The following FILIP1L variants were observed in gnomAD, a reference collection of about 807,000 sequenced individuals.
The protein encoded by FILIP1L is filamin A-interacting protein 1-like.
In FILIP1L, 55 loss-of-function variants were observed where a neutral mutation model predicts 96.6. That is an observed-to-expected ratio of 0.57 (90% CI 0.46 to 0.71). The LOEUF (loss-of-function observed/expected upper bound fraction) is 0.71. Ranked by LOEUF, FILIP1L falls within the 30% of genes least tolerant of loss-of-function variation. The probability of loss-of-function intolerance (pLI) is 0.00; values close to 1 mark genes in which losing one functional copy is unlikely to be tolerated. For missense variants in FILIP1L, 1,304 were observed against 1,321.2 expected, an observed-to-expected ratio of 0.99 and a Z score of 0.20; for synonymous variants, 467 against 473.9, an observed-to-expected ratio of 0.99 and a Z score of 0.19.
chr3:99,935,330 G>A (rs1054732323), intron 1 of FILIP1L, among the ~76,000 whole-genome samples: 11 of 151,390 alleles, frequency 7.3e-5, no homozygotes, highest in African/African-American at 2.7e-4. Flanking sequence ...TCTTCATGAA[G>A]TGCTGACCTA....
At position 99,996,957 on chromosome 3, in the gene FILIP1L, T is replaced by G. The variant is rs146582807; in HGVS notation, c.-10-65927A>C. Among the ~76,000 whole-genome samples the G allele has an allele frequency of 7.8e-4, 119 of 152,138 alleles. 1 individual carries two copies. In the East Asian group the frequency reaches 0.02, roughly 25 times the overall value. ...AAAATTTTTTCGAAACAAATGAAAA[T>G]GAAAACACAACATGCCTTAACCTAT... On this transcript the variant is annotated intron_variant, in intron 1 of 5. Transcript: ENST00000477258.
chr3:100,056,735 C>T (rs984855261), intron 1 of FILIP1L, among the ~76,000 whole-genome samples: 6 of 151,154 alleles, frequency 4.0e-5, no homozygotes, highest in African/African-American at 1.5e-4. Flanking sequence ...CGCGGTGGCT[C>T]ACGCCTGTAA....
At chr3:99,971,048 A>G (rs1183074965) in intron 1 of FILIP1L, among the ~76,000 whole-genome samples, 1 of 152,088 alleles carries the variant, frequency 6.6e-6, no homozygotes, top group East Asian at 1.9e-4. Context: ...CTCTTAAGAG[A>G]ATATGGGGGC....
intron 1 of FILIP1L, among the ~76,000 whole-genome samples, chr3:99,955,864 C>T (rs903191468): frequency 6.6e-6 from 1 of 152,170 alleles, no homozygotes. Context: ...AAACTACATC[C>T]CATCCCACCC....
At chr3:100,078,564 A>G (rs1311141156) in intron 1 of FILIP1L, among the ~76,000 whole-genome samples, 1 of 152,034 alleles carries the variant, frequency 6.6e-6, no homozygotes, top group Non-Finnish European at 1.5e-5. Flanking sequence ...CGTAAAATAC[A>G]CCAACACTAG....
intron 1 of FILIP1L, among the ~76,000 whole-genome samples, chr3:100,102,338 T>C (rs1022359662): frequency 6.6e-6 from 1 of 152,158 alleles, no homozygotes; most frequent in Admixed American, 6.5e-5. Flanking sequence ...TGGTATCTCA[T>C]TGTGGTTTTG....
At chr3:99,987,740 A>G (rs1294521756) in intron 1 of FILIP1L, among the ~76,000 whole-genome samples, 1 of 152,216 alleles carries the variant, frequency 6.6e-6, no homozygotes, top group Non-Finnish European at 1.5e-5. Flanking sequence ...AGGTGCATGT[A>G]ATGAAACTTT....
At chr3:99,986,611 C>T (rs1690615308) in intron 1 of FILIP1L, among the ~76,000 whole-genome samples, 1 of 151,958 alleles carries the variant, frequency 6.6e-6, no homozygotes, top group African/African-American at 2.4e-5. Context: ...ACCAACTGCA[C>T]ATGGAGAGAA....
In FILIP1L at chr3:99,883,649, T is replaced by G. The variant is rs528841157; in HGVS notation, c.606-32579A>C. ...ACTGCACACCCAAATGTTGTCATCA[T>G]GTACTGCTTCTGTGATAATCTAGGA... On this transcript the variant is annotated intron_variant, in intron 4 of 5. Coordinates refer to ENST00000477258, the MANE Select transcript of FILIP1L (RefSeq NM_001387850.1). Among the ~76,000 whole-genome samples, 4 of 152,318 alleles carry G rather than the reference T, an allele frequency of 2.6e-5. No homozygotes were observed. In the South Asian group the frequency reaches 6.2e-4, roughly 24 times the overall value.
chr3:100,010,870 G>A (rs979424011), intron 1 of FILIP1L, among the ~76,000 whole-genome samples: 10 of 143,696 alleles, frequency 7.0e-5, no homozygotes, highest in South Asian at 4.5e-4. Flanking sequence ...CTCATGATCC[G>A]CCTGCTTCAG....
At chr3:100,103,257 T>G (rs1023053857) in intron 1 of FILIP1L, among the ~76,000 whole-genome samples, 2 of 152,174 alleles carry the variant, frequency 1.3e-5, no homozygotes, top group African/African-American at 4.8e-5. Flanking sequence ...CAGCTCACAG[T>G]GGCAGCAAGA....
chr3:99,978,980 C>G (rs967813925), intron 1 of FILIP1L, among the ~76,000 whole-genome samples: 1 of 152,000 alleles, frequency 6.6e-6, no homozygotes, highest in African/African-American at 2.4e-5. Flanking sequence ...TTAACAGATA[C>G]AAAATTACGG....
chr3:100,080,088 T>G (rs902998863), intron 1 of FILIP1L, among the ~76,000 whole-genome samples: 6 of 152,152 alleles, frequency 3.9e-5, no homozygotes, highest in Admixed American at 2.0e-4. Flanking sequence ...TTTTAACTTT[T>G]ACTCCATCCC....
chr3:99,931,481 G>A (rs1032335784), intron 1 of FILIP1L, among the ~76,000 whole-genome samples: 3 of 152,120 alleles, frequency 2.0e-5, no homozygotes, highest in Non-Finnish European at 4.4e-5. Context: ...GAGCTTTTAT[G>A]GGGTTTTTTG....
At chr3:99,906,662 G>A (rs1006461697) in intron 4 of FILIP1L, among the ~76,000 whole-genome samples, 4 of 152,210 alleles carry the variant, frequency 2.6e-5, no homozygotes, top group African/African-American at 9.6e-5. Flanking sequence ...GATTGTGGCA[G>A]ACTGAGTTTT....
At chr3:100,038,794 G>A (rs1321226198) in intron 1 of FILIP1L, among the ~76,000 whole-genome samples, 1 of 152,082 alleles carries the variant, frequency 6.6e-6, no homozygotes, top group African/African-American at 2.4e-5. Context: ...AAGCCACGGT[G>A]CCCAGCTGCT....
intron 4 of FILIP1L, among the ~76,000 whole-genome samples, chr3:99,917,619 T>C (rs1319226613): frequency 2.0e-5 from 3 of 152,258 alleles, no homozygotes; most frequent in Non-Finnish European, 4.4e-5. Flanking sequence ...GAGATTTCTG[T>C]AATTTTTTAT....
intron 1 of FILIP1L, among the ~76,000 whole-genome samples, chr3:100,094,674 CTTTTTTTTTTTTTT>C (rs71132509): frequency 1.8e-5 from 1 of 56,998 alleles, no homozygotes; most frequent in Non-Finnish European, 3.2e-5. Context: ...GAAAAGCTGC[CTTTTTTTTTTTTTT>C]TTTTTTTTTT....
At chr3:99,997,437 ACAAAT>A in intron 1 of FILIP1L, among the ~76,000 whole-genome samples, 1 of 152,350 alleles carries the variant, frequency 6.6e-6, no homozygotes, top group Middle Eastern at 3.4e-3. Context: ...CCATTAAGTG[ACAAAT>A]CCAGATTTTG....
Sources: gnomAD v4.1 joint callset for allele counts (sites outside exome capture counted in the v4.1 genomes callset) on GRCh38, gnomAD v4.1.1 for gene constraint, MANE v1.5 for transcripts, NCBI Gene and HGNC (gene_info 2026-07-23, HGNC 2026-07-21) for gene names.